The following IL17RA variants were observed in gnomAD, a reference collection of about 807,000 sequenced individuals.
IL17RA encodes the protein interleukin 17 receptor A, also known as interleukin-17 receptor A.
A neutral mutation model predicts 50.4 loss-of-function variants in IL17RA; 34 were observed. The observed-to-expected ratio is 0.67, with a 90% CI of 0.51 to 0.90. IL17RA has a LOEUF of 0.90. Ranked by LOEUF, IL17RA falls within the 40% of genes least tolerant of loss-of-function variation. The pLI is 0.00. For synonymous variants in IL17RA, 585 were observed against 510.4 expected (o/e 1.15, Z -1.97); for missense variants, 1,276 against 1,169.8 (o/e 1.09, Z -1.32).
chr22:17,098,344 T>A (rs541654828), intron 3 of IL17RA, among the ~76,000 whole-genome samples: 1 of 152,272 alleles, frequency 6.6e-6, no homozygotes, highest in African/African-American at 2.4e-5. Context: ...AGAGTTTATG[T>A]TACAGAATTG....
At chr22:17,093,444 G>T (rs1443739152) in intron 1 of IL17RA, among the ~76,000 whole-genome samples, 4 of 152,176 alleles carry the variant, frequency 2.6e-5, no homozygotes, top group African/African-American at 7.2e-5. Flanking sequence ...ATAAGGTTCT[G>T]AGGGGCCCCT....
At chr22:17,085,436 C>G (rs1472933761) in intron 1 of IL17RA, among the ~76,000 whole-genome samples, 1 of 145,238 alleles carries the variant, frequency 6.9e-6, no homozygotes, top group African/African-American at 2.6e-5. Context: ...GTGTGGAATA[C>G]GGGGGGGGTG....
intron 1 of IL17RA, among the ~76,000 whole-genome samples, chr22:17,089,828 A>G (rs572204330): frequency 6.6e-6 from 1 of 152,102 alleles, no homozygotes; most frequent in East Asian, 1.9e-4. Flanking sequence ...AGCCCTGAGC[A>G]TGCTGCTGCA....
Position 17,105,603 on chromosome 22 carries a change from G to A in IL17RA, c.943+1G>A. ...GTTCTCATTGCAGAACCAATTCCGG[G>A]TAAGCTTGGATCTCTCTCCGACAGC... On this transcript the variant is annotated splice_donor_variant, in intron 10 of 12. Transcript: ENST00000319363. LOFTEE classifies it high-confidence loss of function. 6.2e-7 allele frequency: 1 copy of A among 1,613,436 alleles called. No homozygotes were observed. Among genetic ancestry groups the A allele is most frequent in the East Asian group, 2.2e-5 (1 of 44,880 alleles).
rs779762104 is a variant in IL17RA at position 17,109,515 on chromosome 22, G to C, written c.2296G>C (p.Gly766Arg). The C allele has an allele frequency of 2.8e-5, 45 of 1,599,292 alleles. No homozygotes were observed. Among genetic ancestry groups the C allele is most frequent in the Non-Finnish European group, 3.8e-5 (45 of 1,172,802 alleles). ...GCAGAGTCTGAGCTGCCAGGCCCAG[G>C]GGGGCTGCAGTAGACCCGCCATGGT... ...FEQSLSCQAQ[G>R]GCSRPAMVLT... Residue 766 changes from glycine (G) to arginine (R), a missense_variant, in exon 13 of 13, where the codon GGG (glycine) becomes CGG (arginine). Coordinates refer to ENST00000319363, the MANE Select transcript of IL17RA (RefSeq NM_014339.7).
intron 5 of IL17RA, among the ~76,000 whole-genome samples, chr22:17,101,279 C>G (rs2061390319): frequency 6.6e-6 from 1 of 152,180 alleles, no homozygotes; most frequent in African/African-American, 2.4e-5. Context: ...TCACGAATTG[C>G]CTTGCATATA....
rs1290332140 is a variant in IL17RA, at chr22:17,109,900, C to G, written c.*80C>G. On this transcript the variant is annotated 3_prime_UTR_variant, in exon 13 of 13. Transcript: ENST00000319363. The stretch of plus-strand genomic sequence containing the variant: ...CACGTATTCATCTGTGTGTACATGT[C>G]TGCATGTGTATATGTTCGTGTGTGA... 9.5e-6 allele frequency: 12 copies of G among 1,259,516 alleles called. 1 individual carries two copies. In the Middle Eastern group the frequency reaches 1.1e-3, roughly 116 times the overall value. 78.0% of individuals were successfully genotyped at this position (1,259,516 alleles called of 1,614,324 possible). A position where few individuals can be genotyped will look rare whatever the true frequency, so the allele number is the denominator to read the frequency against.
At position 17,112,298 on chromosome 22, in the gene IL17RA, A is replaced by T. The variant is rs1485819091; in HGVS notation, c.*2478A>T. The T allele has an allele frequency of 4.6e-5, 7 of 152,198 alleles. No homozygotes were observed. Among genetic ancestry groups the T allele is most frequent in the Admixed American group, 4.6e-4 (7 of 15,276 alleles). 9.4% of individuals were successfully genotyped at this position (152,198 alleles called of 1,614,324 possible). Reference sequence around the variant, plus strand: ...TTTGTCCTCCTAACAGCTTTATTGGAGTACAGTTCACTTACCATACAATCC... The same window carrying T: ...TTTGTCCTCCTAACAGCTTTATTGGTGTACAGTTCACTTACCATACAATCC... On this transcript the variant is annotated 3_prime_UTR_variant, in exon 13 of 13. Transcript: ENST00000319363.
rs772270070 is a variant in IL17RA at position 17,100,426 on chromosome 22, C to G, written c.495C>G (p.Pro165=). ...QEYEVTVHHL[P]KPIPDGDPNH... is the part of the protein sequence containing the mutation. ...ATGAGGTGACCGTTCACCACCTGCC[C>G]AAGCCCATCCCTGATGGGGACCCAA... is the stretch of plus-strand genomic sequence containing the variant. Residue 165 remains proline, a synonymous_variant, in exon 5 of 13, where the codon CCC becomes CCG. Transcript: ENST00000319363. 3 of 1,614,110 alleles carry G rather than the reference C, an allele frequency of 1.9e-6. No homozygotes were observed. Among genetic ancestry groups the G allele is most frequent in the Non-Finnish European group, 2.5e-6 (3 of 1,180,006 alleles).
chr22:17,108,837 G>C lies in IL17RA; in HGVS notation c.1618G>C (p.Glu540Gln). The change falls in exon 13 of 13, where the codon GAG becomes CAG. Residue 540 changes from glutamate to glutamine, a missense_variant. Glu to Gln is a conservative substitution (Grantham distance 29, BLOSUM62 2). Transcript: ENST00000319363. ...GGTGTACTTCCGCATCCAGGACCTG[G>C]AGATGTTCCAGCCGGGCCGCATGCA... ...EEVYFRIQDL[E>Q]MFQPGRMHRV... is the part of the protein sequence containing the mutation. 1 of 1,608,090 alleles carries C rather than the reference G, an allele frequency of 6.2e-7. No individual in the cohort carries two copies. Among genetic ancestry groups the C allele is most frequent in the Non-Finnish European group, 8.5e-7 (1 of 1,177,518 alleles).
chr22:17,097,664 C>T (rs550061490), intron 2 of IL17RA, 133 bp from the exon 3 acceptor site: 33 of 991,016 alleles, frequency 3.3e-5, no homozygotes, highest in East Asian at 3.0e-4. Flanking sequence ...AAGCTGAGGA[C>T]GCGGCCAAGG....
chr22:17,094,691 C>CTCTCTATA (rs1448096911), intron 1 of IL17RA, among the ~76,000 whole-genome samples: 5 of 24,698 alleles, frequency 2.0e-4, no homozygotes, highest in African/African-American at 2.3e-4. Flanking sequence ...CTCTCTCTCT[C>CTCTCTATA]TATATATATA....
intron 5 of IL17RA, among the ~76,000 whole-genome samples, chr22:17,101,676 G>C (rs758349076): frequency 1.3e-5 from 2 of 152,248 alleles, no homozygotes; most frequent in South Asian, 2.1e-4. Flanking sequence ...TTCTCAGCCT[G>C]TGCAAAGACA....
intron 4 of IL17RA, among the ~76,000 whole-genome samples, chr22:17,099,694 A>G (rs1341587386): frequency 2.0e-5 from 3 of 152,186 alleles, no homozygotes; most frequent in Admixed American, 1.3e-4. Context: ...CTGCTATGCG[A>G]ATGGTGAGAA....
chr22:17,105,450 C>G, intron 9 of IL17RA, 141 bp from the exon 10 acceptor site: 1 of 854,932 alleles, frequency 1.2e-6, no homozygotes, highest in Non-Finnish European at 2.0e-6. Flanking sequence ...TAGATGGTTT[C>G]ATTAAGTTCA....
intron 1 of IL17RA, among the ~76,000 whole-genome samples, chr22:17,088,395 T>G (rs1194973129): frequency 6.6e-6 from 1 of 152,162 alleles, no homozygotes; most frequent in African/African-American, 2.4e-5. Flanking sequence ...CTCAGCTCAC[T>G]GCAACCTCCG....
At position 17,109,389 on chromosome 22, in the gene IL17RA, G is replaced by A. The variant is rs149717999; in HGVS notation, c.2170G>A (p.Glu724Lys). The change falls in exon 13 of 13, where the codon GAG (glutamate) becomes AAG (lysine). Residue 724 changes from glutamate (E) to lysine (K), a missense_variant. Coordinates refer to ENST00000319363, the MANE Select transcript of IL17RA (RefSeq NM_014339.7). ...NSVLFLPVDP[E>K]DSPLGSSTPM... ...CGTCCTCTTCCTCCCCGTGGACCCC[G>A]AGGACTCGCCCCTTGGCAGCAGCAC... 29 of 1,612,554 alleles carry A rather than the reference G, an allele frequency of 1.8e-5. No homozygotes were observed. The African/African-American group carries it at 2.3e-4, about 13-fold the overall frequency.
chr22:17,085,684 G>A (rs1311248245), intron 1 of IL17RA, among the ~76,000 whole-genome samples: 1 of 152,152 alleles, frequency 6.6e-6, no homozygotes, highest in Non-Finnish European at 1.5e-5. Flanking sequence ...GGCGGGGCAC[G>A]GTCGGCCCTC....
chr22:17,087,412 G>A (rs2061331901), intron 1 of IL17RA, among the ~76,000 whole-genome samples: 2 of 152,266 alleles, frequency 1.3e-5, no homozygotes, highest in Admixed American at 6.5e-5. Context: ...CCAAAGCCCA[G>A]TTCGATTTAG....
Sources: allele counts gnomAD v4.1 joint callset (sites outside exome capture counted in the v4.1 genomes callset), GRCh38; gene constraint gnomAD v4.1.1; transcripts MANE v1.5; gene names NCBI Gene and HGNC (gene_info 2026-07-23, HGNC 2026-07-21).